TRPC1: variants seen among roughly 807,000 people sequenced by gnomAD.
The protein encoded by TRPC1 is transient receptor potential cation channel subfamily C member 1.
TRPC1 carries 42 observed loss-of-function variants against 88.2 expected under a neutral mutation model. The ratio of observed to expected loss-of-function variants is 0.48; its 90% CI spans 0.37 to 0.62. TRPC1 has a LOEUF of 0.62. Ranked by LOEUF, TRPC1 falls within the 20% of genes least tolerant of loss-of-function variation. The pLI is 0.00. For synonymous variants in TRPC1, 288 were observed against 331.8 expected (o/e 0.87, Z 1.43); for missense variants, 699 against 957.3 (o/e 0.73, Z 3.56).
intron 4 of TRPC1, among the ~76,000 whole-genome samples, chr3:142,751,579 G>C (rs1934765893): frequency 6.6e-6 from 1 of 152,168 alleles, no homozygotes; most frequent in African/African-American, 2.4e-5. Flanking sequence ...GACTGTGTGT[G>C]TGTATGTAAA....
chr3:142,741,641 A>G (rs1380926294), intron 2 of TRPC1, among the ~76,000 whole-genome samples: 3 of 152,166 alleles, frequency 2.0e-5, no homozygotes, highest in African/African-American at 7.2e-5. Context: ...TTATTCAGTA[A>G]AGATCTGAAG....
chr3:142,796,458 T>G (rs866847150), intron 9 of TRPC1, among the ~76,000 whole-genome samples: 2 of 152,076 alleles, frequency 1.3e-5, no homozygotes, highest in African/African-American at 2.4e-5. Flanking sequence ...CACTCTACCC[T>G]TTTTTCCTTA....
chr3:142,804,343 T>C (rs1240198161), intron 11 of TRPC1, 93 bp from the exon 12 acceptor site: 1 of 1,253,270 alleles, frequency 8.0e-7, no homozygotes, highest in Non-Finnish European at 1.1e-6. Context: ...TTGCAAATGT[T>C]GAACAAAATT....
In TRPC1 at chr3:142,780,933, T is replaced by C; in HGVS notation, c.864T>C (p.His288=). The C allele has an allele frequency of 1.2e-6, 2 of 1,613,996 alleles. No homozygotes were observed. The change falls in exon 6 of 13, where the codon CAT becomes CAC. Residue 288 remains histidine, a synonymous_variant. Coordinates refer to ENST00000476941, the MANE Select transcript of TRPC1 (RefSeq NM_001251845.2). ...NSRELEVILN[H]TSSDEPLDKR... is the part of the protein sequence containing the mutation. ...GTGAATTGGAAGTTATTCTAAACCATACGTCTAGTGACGAGCCTCTTGACA... is the reference window on the plus strand; with the variant it reads ...GTGAATTGGAAGTTATTCTAAACCACACGTCTAGTGACGAGCCTCTTGACA...
At chr3:142,787,035 G>A (rs764542878) in intron 7 of TRPC1, among the ~76,000 whole-genome samples, 6 of 152,102 alleles carry the variant, frequency 3.9e-5, no homozygotes, top group Non-Finnish European at 5.9e-5. Context: ...CCTTTTATAT[G>A]ATGCTGTTTT....
chr3:142,740,783 TGAAA>T (rs1934316033), intron 2 of TRPC1, among the ~76,000 whole-genome samples: 1 of 151,998 alleles, frequency 6.6e-6, no homozygotes, highest in Non-Finnish European at 1.5e-5. Flanking sequence ...TTTGACACAA[TGAAA>T]GGAAGAAGAA....
chr3:142,805,129 TACACACACACACACACACACACACACAC>T (rs71153991), intron 12 of TRPC1, among the ~76,000 whole-genome samples: 2 of 95,320 alleles, frequency 2.1e-5, no homozygotes, highest in Non-Finnish European at 3.9e-5. Context: ...AATATATATA[TACACACACACACACACACACACACACAC>T]ACACACACAC....
intron 1 of TRPC1, among the ~76,000 whole-genome samples, chr3:142,726,077 G>A (rs1933659004): frequency 1.3e-5 from 2 of 152,160 alleles, no homozygotes; most frequent in African/African-American, 4.8e-5. Flanking sequence ...TGTGGATTAT[G>A]TAAAATTATT....
chr3:142,765,782 C>T (rs1935364112), intron 4 of TRPC1, among the ~76,000 whole-genome samples: 1 of 152,052 alleles, frequency 6.6e-6, no homozygotes, highest in African/African-American at 2.4e-5. Flanking sequence ...AGGGAATAAA[C>T]AGATGATCTA....
At chr3:142,740,465 G>A (rs942157246) in intron 2 of TRPC1, among the ~76,000 whole-genome samples, 4 of 152,188 alleles carry the variant, frequency 2.6e-5, no homozygotes, top group African/African-American at 9.7e-5. Flanking sequence ...CAGGGCCATG[G>A]GAATGCCCAT....
chr3:142,741,116 A>G (rs900228429), intron 2 of TRPC1, among the ~76,000 whole-genome samples: 2 of 149,524 alleles, frequency 1.3e-5, no homozygotes, highest in Non-Finnish European at 3.0e-5. Context: ...TATATTGAAG[A>G]GCTTTTAATA....
At position 142,801,557 on chromosome 3, in the gene TRPC1, C is replaced by T. The variant is rs532176683; in HGVS notation, c.1582-612C>T. 1.4e-4 allele frequency among the ~76,000 whole-genome samples: 22 copies of T among 152,254 alleles called. 1 individual carries two copies. The highest frequency in any genetic ancestry group is 5.3e-4 in the African/African-American group (22 of 41,550). ...GATTAAAGCTTCCATATGCACTATACATGTCTAAACTACAAAAGATACTCA... is the reference window on the plus strand; with the variant it reads ...GATTAAAGCTTCCATATGCACTATATATGTCTAAACTACAAAAGATACTCA... On this transcript the variant is annotated intron_variant, in intron 9 of 12. Coordinates refer to ENST00000476941, the MANE Select transcript of TRPC1 (RefSeq NM_001251845.2).
Position 142,806,838 on chromosome 3 carries a change from T to G in TRPC1, c.*603T>G, listed in dbSNP as rs1936809082. ...TTCACTTCAGTTTTTGTTATTGTAATATATTTACTTTTACATGGTTATAAT... is the reference window on the plus strand; with the variant it reads ...TTCACTTCAGTTTTTGTTATTGTAAGATATTTACTTTTACATGGTTATAAT... On this transcript the variant is annotated 3_prime_UTR_variant, in exon 13 of 13. Coordinates refer to ENST00000476941, the MANE Select transcript of TRPC1 (RefSeq NM_001251845.2). 1 of 152,078 alleles carries G rather than the reference T, an allele frequency of 6.6e-6. No homozygotes were observed. The highest frequency in any genetic ancestry group is 1.5e-5 in the Non-Finnish European group (1 of 67,992). 9.4% of individuals were successfully genotyped at this position (152,078 alleles called of 1,614,324 possible). A position where few individuals can be genotyped will look rare whatever the true frequency, so the allele number is the denominator to read the frequency against.
At chr3:142,753,838 T>C (rs1303399871) in intron 4 of TRPC1, among the ~76,000 whole-genome samples, 1 of 151,926 alleles carries the variant, frequency 6.6e-6, no homozygotes, top group East Asian at 1.9e-4. Context: ...CTCACGCCTA[T>C]AATCCTAGCA....
intron 9 of TRPC1, chr3:142,801,109 C>A (rs938574670): frequency 1.1e-4 from 16 of 151,950 alleles, no homozygotes; most frequent in African/African-American, 3.9e-4. Context: ...CATATACATA[C>A]TGTTTTATAC....
chr3:142,732,517 G>A (rs906585154), intron 1 of TRPC1, among the ~76,000 whole-genome samples: 14 of 152,126 alleles, frequency 9.2e-5, no homozygotes, highest in Non-Finnish European at 1.5e-4. Flanking sequence ...TTGGTCAGCA[G>A]CTGTGTTAGT....
chr3:142,753,829 T>C (rs1382369620), intron 4 of TRPC1, among the ~76,000 whole-genome samples: 1 of 151,974 alleles, frequency 6.6e-6, no homozygotes, highest in Non-Finnish European at 1.5e-5. Context: ...ACATGGTGGC[T>C]CACGCCTATA....
At chr3:142,733,673 T>C (rs983943575) in intron 1 of TRPC1, among the ~76,000 whole-genome samples, 6 of 152,224 alleles carry the variant, frequency 3.9e-5, no homozygotes, top group African/African-American at 1.4e-4. Context: ...GTGTAGCTCT[T>C]CCTACGTTTC....
intron 4 of TRPC1, among the ~76,000 whole-genome samples, chr3:142,774,751 A>G (rs1935700533): frequency 6.6e-6 from 1 of 151,836 alleles, no homozygotes; most frequent in Non-Finnish European, 1.5e-5. Context: ...TGACCTCTTC[A>G]TACTGTTATT....
Sources: gnomAD v4.1 joint callset for allele counts (sites outside exome capture counted in the v4.1 genomes callset) on GRCh38, gnomAD v4.1.1 for gene constraint, MANE v1.5 for transcripts, NCBI Gene and HGNC (gene_info 2026-07-23, HGNC 2026-07-21) for gene names.